Variants in EYS observed in about 807,000 individuals in gnomAD.
The protein encoded by EYS is protein eyes shut homolog.
EYS carries 250 observed loss-of-function variants against 282.1 expected under a neutral mutation model. The ratio of observed to expected loss-of-function variants is 0.89; its 90% CI spans 0.80 to 0.98. The LOEUF (loss-of-function observed/expected upper bound fraction) is 0.98. EYS is among the 50% of genes least tolerant of loss of function. EYS has a pLI of 0.00. For missense variants in EYS, 4,016 were observed against 3,709.0 expected (o/e 1.08, Z -2.15); for synonymous variants, 1,355 against 1,282.9 (o/e 1.06, Z -1.20).
At chr6:64,398,091 A>G (rs1439274169) in intron 28 of EYS, among the ~76,000 whole-genome samples, 1 of 151,912 alleles carries the variant, frequency 6.6e-6, no homozygotes, top group Non-Finnish European at 1.5e-5. Context: ...TAAACTTTTA[A>G]TAATTTTATA....
chr6:65,371,015 G>A (rs9453283), intron 8 of EYS, among the ~76,000 whole-genome samples: 29,448 of 151,550 alleles, frequency 0.19, 3,238 homozygotes, highest in South Asian at 0.35. Context: ...AAAAAACACA[G>A]AAAGTGGAGA....
At chr6:65,483,480 T>C (rs1027504510) in intron 5 of EYS, among the ~76,000 whole-genome samples, 1 of 152,146 alleles carries the variant, frequency 6.6e-6, no homozygotes. Flanking sequence ...CACTGGTTGA[T>C]ACGGCATTAG....
In EYS at chr6:64,821,773, A is replaced by G. The variant is rs998164507; in HGVS notation, c.3165-50T>C. The G allele has an allele frequency of 5.4e-6, 6 of 1,111,690 alleles. No homozygotes were observed. In the African/African-American group the frequency reaches 7.9e-5, roughly 15 times the overall value. 68.9% of individuals were successfully genotyped at this position (1,111,690 alleles called of 1,614,324 possible). On this transcript the variant is annotated intron_variant, in intron 20 of 42. Transcript: ENST00000503581. The stretch of plus-strand genomic sequence containing the variant: ...TTTTCAAATAAGTAGATGTTAAAGC[A>G]TAACTTCAAGGGAGTTTCACCATTT...
At chr6:65,061,000 A>G (rs538128952) in intron 12 of EYS, among the ~76,000 whole-genome samples, 2 of 151,962 alleles carry the variant, frequency 1.3e-5, no homozygotes, top group South Asian at 4.1e-4. Flanking sequence ...ATCATTTTCA[A>G]TCCTGTTTAG....
At chr6:63,960,274 GT>G (rs1454080857) in intron 35 of EYS, among the ~76,000 whole-genome samples, 2 of 152,188 alleles carry the variant, frequency 1.3e-5, no homozygotes, top group East Asian at 3.9e-4. Context: ...AATTGCAGAT[GT>G]GGCTGAAAAA....
chr6:65,353,892 A>G (rs1389186069), intron 8 of EYS, among the ~76,000 whole-genome samples: 1 of 152,030 alleles, frequency 6.6e-6, no homozygotes, highest in East Asian at 1.9e-4. Context: ...TTGATGGGCT[A>G]TAATACATCT....
intron 15 of EYS, among the ~76,000 whole-genome samples, chr6:64,938,629 A>G (rs1262415745): frequency 6.6e-6 from 1 of 151,692 alleles, no homozygotes; most frequent in Admixed American, 6.6e-5. Flanking sequence ...TGGAGTATTC[A>G]ATAAATTACA....
rs191072821 is a variant in EYS at position 64,971,200 on chromosome 6, C to T, written c.2260-25286G>A. 4.0e-4 allele frequency among the ~76,000 whole-genome samples: 61 copies of T among 151,946 alleles called. No individual in the cohort carries two copies. The East Asian group carries it at 8.0e-3, about 20-fold the overall frequency. ...ATAACAGGAGAAGCAGCTTCTGCTG[C>T]CCAAGAGGCAGCAGCAGAGTTCCCA... On this transcript the variant is annotated intron_variant, in intron 14 of 42. Coordinates refer to ENST00000503581, the MANE Select transcript of EYS (RefSeq NM_001142800.2).
chr6:65,274,559 G>T (rs1441967809), intron 12 of EYS, among the ~76,000 whole-genome samples: 1 of 152,040 alleles, frequency 6.6e-6, no homozygotes, highest in Non-Finnish European at 1.5e-5. Context: ...TTTTCAGCTG[G>T]CACTACCAGA....
chr6:64,456,099 C>CA (rs1297444616), intron 26 of EYS, among the ~76,000 whole-genome samples: 1 of 151,554 alleles, frequency 6.6e-6, no homozygotes, highest in Non-Finnish European at 1.5e-5. Context: ...ATTTTCATAC[C>CA]AAAGTTTTAT....
intron 1 of EYS, among the ~76,000 whole-genome samples, chr6:65,678,895 A>G (rs1349447287): frequency 6.6e-6 from 1 of 151,868 alleles, no homozygotes; most frequent in Admixed American, 6.6e-5. Flanking sequence ...AAAACAGATC[A>G]AAACCACAAT....
intron 31 of EYS, among the ~76,000 whole-genome samples, chr6:64,206,830 AT>A (rs1765623475): frequency 6.6e-6 from 1 of 152,104 alleles, no homozygotes; most frequent in South Asian, 2.1e-4. Context: ...AAACATGTTA[AT>A]TTTTTTTAAG....
At chr6:65,525,332 A>T (rs2127301538) in intron 2 of EYS, among the ~76,000 whole-genome samples, 1 of 152,250 alleles carries the variant, frequency 6.6e-6, no homozygotes, top group Admixed American at 6.5e-5. Flanking sequence ...CAGTGAAAAC[A>T]AATATTTTCA....
At chr6:64,872,022 T>C (rs939323245) in intron 19 of EYS, among the ~76,000 whole-genome samples, 1 of 151,772 alleles carries the variant, frequency 6.6e-6, no homozygotes, top group Non-Finnish European at 1.5e-5. Context: ...ATGAAGGGAG[T>C]GGATATATTA....
intron 12 of EYS, among the ~76,000 whole-genome samples, chr6:65,265,682 A>G (rs1767735292): frequency 6.6e-6 from 1 of 152,132 alleles, no homozygotes. Context: ...TACTCAGAAA[A>G]CAGGATGACT....
At chr6:63,826,845 C>CAAAAAAAAAAAAAAAAACAAAAAAAAAA (rs1771475400) in intron 36 of EYS, among the ~76,000 whole-genome samples, 1 of 76,762 alleles carries the variant, frequency 1.3e-5, no homozygotes, top group African/African-American at 5.1e-5. Context: ...AGTTAAAAAG[C>CAAAAAAAAAAAAAAAAACAAAAAAAAAA]AAAAAAAAAA....
chr6:64,895,663 T>C (rs1163125524), intron 18 of EYS, among the ~76,000 whole-genome samples: 3 of 152,150 alleles, frequency 2.0e-5, no homozygotes, highest in Non-Finnish European at 4.4e-5. Context: ...GGAAACGTGA[T>C]CTGCAACCAA....
At chr6:65,702,083 G>T (rs1425853909) in intron 1 of EYS, among the ~76,000 whole-genome samples, 1 of 152,164 alleles carries the variant, frequency 6.6e-6, no homozygotes, top group Non-Finnish European at 1.5e-5. Flanking sequence ...GTAGGGAGAT[G>T]ATTAGGATCA....
intron 30 of EYS, among the ~76,000 whole-genome samples, chr6:64,300,476 T>A (rs911939326): frequency 3.3e-5 from 5 of 152,204 alleles, no homozygotes; most frequent in Non-Finnish European, 5.9e-5. Flanking sequence ...TGGCCACTGT[T>A]GTTATTTCTC....
Sources: gnomAD v4.1 joint callset for allele counts (sites outside exome capture counted in the v4.1 genomes callset) on GRCh38, gnomAD v4.1.1 for gene constraint, MANE v1.5 for transcripts, NCBI Gene and HGNC (gene_info 2026-07-23, HGNC 2026-07-21) for gene names.